Variants in ADAMTSL3 observed in about 807,000 individuals in gnomAD.
The protein encoded by ADAMTSL3 is ADAMTS like 3, also known as ADAMTS-like protein 3.
ADAMTSL3 carries 128 observed loss-of-function variants against 201.7 expected under a neutral mutation model. That is an observed-to-expected ratio of 0.63 (90% CI 0.55 to 0.73). The LOEUF is 0.73. Ranked by LOEUF, ADAMTSL3 falls within the 30% of genes least tolerant of loss-of-function variation. The pLI is 0.00. For missense variants in ADAMTSL3, 1,990 were observed against 2,119.6 expected (o/e 0.94, Z 1.20); for synonymous variants, 738 against 748.4 (o/e 0.99, Z 0.23).
chr15:83,828,606 G>A (rs1042413083), intron 6 of ADAMTSL3, among the ~76,000 whole-genome samples: 2 of 152,158 alleles, frequency 1.3e-5, no homozygotes, highest in African/African-American at 2.4e-5. Flanking sequence ...TCTTGTGCCA[G>A]TTTTCAAAGG....
Position 83,773,668 on chromosome 15 carries a change from T to C in ADAMTSL3, c.317+18T>C, listed in dbSNP as rs2063024015. The C allele has an allele frequency of 3.7e-6, 6 of 1,602,560 alleles. No homozygotes were observed. In the East Asian group the frequency reaches 1.3e-4, roughly 36 times the overall value. On this transcript the variant is annotated intron_variant, in intron 4 of 29. Transcript: ENST00000286744. Reference sequence around the variant, plus strand: ...ACTGGAAGGTTAGTGGTGGCTTCACTTGCTCCTGCATGTGGAATGTGCCAG... The same window carrying C: ...ACTGGAAGGTTAGTGGTGGCTTCACCTGCTCCTGCATGTGGAATGTGCCAG...
chr15:83,738,191 A>AT (rs2062397501), intron 3 of ADAMTSL3, among the ~76,000 whole-genome samples: 1 of 152,210 alleles, frequency 6.6e-6, no homozygotes, highest in South Asian at 2.1e-4. Context: ...GTTAAGTTCA[A>AT]TTTTAAATTT....
intron 2 of ADAMTSL3, among the ~76,000 whole-genome samples, chr15:83,665,169 G>A (rs2061232273): frequency 6.6e-6 from 1 of 152,206 alleles, no homozygotes; most frequent in Non-Finnish European, 1.5e-5. Context: ...TGGGGATGAT[G>A]TTAGAACCTG....
At chr15:83,981,216 T>A (rs934529405) in intron 20 of ADAMTSL3, among the ~76,000 whole-genome samples, 3 of 152,182 alleles carry the variant, frequency 2.0e-5, no homozygotes, top group Non-Finnish European at 2.9e-5. Context: ...CCAGAACACA[T>A]TGAGCCTTCT....
chr15:84,016,429 A>G lies in ADAMTSL3; in HGVS notation c.4203A>G (p.Lys1401=), dbSNP rs1322309092. Residue 1401 remains lysine (K), a synonymous_variant, in exon 25 of 30, where the codon AAA becomes AAG. Coordinates refer to ENST00000286744, the MANE Select transcript of ADAMTSL3 (RefSeq NM_207517.3). ...ESRIVFLQGH[K]KYILQATNTR... ...GAATCGTATTTCTGCAAGGACATAA[A>G]AAGTACATTCTCCAGGCAACCAACA... is the stretch of plus-strand genomic sequence containing the variant. The G allele has an allele frequency of 1.2e-6, 2 of 1,613,994 alleles. No individual in the cohort carries two copies. Among genetic ancestry groups the G allele is most frequent in the Non-Finnish European group, 1.7e-6 (2 of 1,180,000 alleles).
At chr15:83,860,977 G>T (rs1041708060) in intron 8 of ADAMTSL3, among the ~76,000 whole-genome samples, 23 of 152,220 alleles carry the variant, frequency 1.5e-4, no homozygotes, top group African/African-American at 5.3e-4. Flanking sequence ...CTAATACTGT[G>T]CTTTTCCAAT....
rs985020661 is a variant in ADAMTSL3, at chr15:83,991,185, C to T, written c.3944C>T (p.Ala1315Val). ...GGCATCGTGGAGGCAGCCCTTGGAG[C>T]AAACGTGACAATCCGATGTCCTGTA... ...VGGIVEAALG[A>V]NVTIRCPVKG... The change falls in exon 23 of 30, where the codon GCA (alanine) becomes GTA (valine). Residue 1315 changes from alanine to valine, a missense_variant. Coordinates refer to ENST00000286744, the MANE Select transcript of ADAMTSL3 (RefSeq NM_207517.3). 2 of 1,614,058 alleles carry T rather than the reference C, an allele frequency of 1.2e-6. No individual in the cohort carries two copies. Among genetic ancestry groups the T allele is most frequent in the African/African-American group, 1.3e-5 (1 of 74,914 alleles).
chr15:83,707,656 T>A (rs1245660831), intron 3 of ADAMTSL3, among the ~76,000 whole-genome samples: 1 of 152,216 alleles, frequency 6.6e-6, no homozygotes, highest in African/African-American at 2.4e-5. Context: ...TATTACAGAT[T>A]CATTTTGCCT....
chr15:83,816,239 G>A (rs548753230), intron 5 of ADAMTSL3, among the ~76,000 whole-genome samples: 1 of 152,306 alleles, frequency 6.6e-6, no homozygotes, highest in South Asian at 2.1e-4. Context: ...GAAATGGCCA[G>A]TCCAACCCCA....
chr15:83,840,931 G>T (rs2064360952), intron 7 of ADAMTSL3, among the ~76,000 whole-genome samples: 1 of 152,228 alleles, frequency 6.6e-6, no homozygotes, highest in Non-Finnish European at 1.5e-5. Flanking sequence ...CACATCCTTA[G>T]AGGATGGCTT....
chr15:83,916,100 C>T (rs756699722), intron 16 of ADAMTSL3, among the ~76,000 whole-genome samples: 8 of 152,122 alleles, frequency 5.3e-5, no homozygotes, highest in Non-Finnish European at 1.2e-4. Flanking sequence ...AGTGGCACTG[C>T]GCACCTTTTG....
intron 19 of ADAMTSL3, among the ~76,000 whole-genome samples, chr15:83,948,411 TACACACACAC>T (rs72124987): frequency 3.4e-5 from 5 of 145,628 alleles, no homozygotes; most frequent in Admixed American, 6.8e-5. Flanking sequence ...AAAGCTTATT[TACACACACAC>T]ACACACACAC....
chr15:83,995,983 A>T (rs1286042192), intron 23 of ADAMTSL3, among the ~76,000 whole-genome samples: 2 of 152,184 alleles, frequency 1.3e-5, no homozygotes, highest in African/African-American at 2.4e-5. Context: ...TGGAAACTAA[A>T]ATTTAATAGC....
chr15:83,978,380 G>A (rs1020561342), intron 20 of ADAMTSL3, among the ~76,000 whole-genome samples: 1 of 152,052 alleles, frequency 6.6e-6, no homozygotes, highest in Non-Finnish European at 1.5e-5. Context: ...CTCACATTTA[G>A]CACAGTGGGA....
chr15:83,865,583 C>A (rs897362999), intron 8 of ADAMTSL3, among the ~76,000 whole-genome samples: 2 of 152,146 alleles, frequency 1.3e-5, no homozygotes, highest in Non-Finnish European at 2.9e-5. Flanking sequence ...AAACTGGATC[C>A]CTTCCTTGCA....
intron 19 of ADAMTSL3, among the ~76,000 whole-genome samples, chr15:83,951,512 A>G (rs531532297): frequency 1.3e-5 from 2 of 152,120 alleles, no homozygotes; most frequent in Non-Finnish European, 2.9e-5. Context: ...TTGGTATCAG[A>G]TTAATACTGG....
chr15:83,687,238 T>A (rs2585052), intron 2 of ADAMTSL3, among the ~76,000 whole-genome samples: 129,963 of 152,196 alleles, frequency 0.85, 55,963 homozygotes, highest in East Asian at 0.96. Context: ...GTTGAAAGTA[T>A]CAAGTGAAAA....
At chr15:83,849,270 G>A (rs1211550501) in intron 7 of ADAMTSL3, among the ~76,000 whole-genome samples, 1 of 152,108 alleles carries the variant, frequency 6.6e-6, no homozygotes, top group East Asian at 1.9e-4. Flanking sequence ...GGCACTACAG[G>A]CATGTACCAC....
chr15:83,905,765 G>A (rs2141937353), intron 15 of ADAMTSL3, among the ~76,000 whole-genome samples: 1 of 152,140 alleles, frequency 6.6e-6, no homozygotes, highest in Non-Finnish European at 1.5e-5. Flanking sequence ...GGAATTTCTG[G>A]GCCAGGGATA....
Sources: allele counts gnomAD v4.1 joint callset (sites outside exome capture counted in the v4.1 genomes callset), GRCh38; gene constraint gnomAD v4.1.1; transcripts MANE v1.5; gene names NCBI Gene and HGNC (gene_info 2026-07-23, HGNC 2026-07-21).